Variants in ZNRF3 observed in about 807,000 individuals in gnomAD.
ZNRF3 encodes zinc and ring finger 3, also known as E3 ubiquitin-protein ligase ZNRF3.
In ZNRF3, 23 loss-of-function variants were observed where a neutral mutation model predicts 72.5. The ratio of observed to expected loss-of-function variants is 0.32; its 90% CI spans 0.23 to 0.45. The LOEUF (loss-of-function observed/expected upper bound fraction) is 0.45, where lower values mean the gene tolerates loss of function less well. Among genes scored for constraint, ZNRF3 ranks in the 20% least tolerant of loss-of-function variants. The pLI is 1.00. For synonymous variants in ZNRF3, 610 were observed against 545.3 expected (o/e 1.12, Z -1.65); for missense variants, 1,169 against 1,272.1 (o/e 0.92, Z 1.23).
chr22:29,006,853 T>C (rs901513928), intron 2 of ZNRF3, among the ~76,000 whole-genome samples: 1 of 152,222 alleles, frequency 6.6e-6, no homozygotes, highest in Non-Finnish European at 1.5e-5. Flanking sequence ...GGGTAGGTTT[T>C]GATAAAGTCT....
At chr22:28,900,580 T>A (rs1211971034) in intron 1 of ZNRF3, among the ~76,000 whole-genome samples, 1 of 152,136 alleles carries the variant, frequency 6.6e-6, no homozygotes, top group African/African-American at 2.4e-5. Flanking sequence ...ATGATCCAAG[T>A]CTCTGGAAGC....
At chr22:28,898,271 A>G (rs533015199) in intron 1 of ZNRF3, among the ~76,000 whole-genome samples, 1 of 152,214 alleles carries the variant, frequency 6.6e-6, no homozygotes, top group South Asian at 2.1e-4. Flanking sequence ...TTGAGGGAGA[A>G]TTTTCTGTGA....
Position 28,905,211 on chromosome 22 carries a change from A to T in ZNRF3, c.300+21145A>T, listed in dbSNP as rs545863775. Among the ~76,000 whole-genome samples the T allele has an allele frequency of 4.6e-5, 7 of 152,248 alleles. No individual in the cohort carries two copies. The South Asian group carries it at 8.3e-4, about 18-fold the overall frequency. On this transcript the variant is annotated intron_variant, in intron 1 of 8. Coordinates refer to ENST00000544604, the MANE Select transcript of ZNRF3 (RefSeq NM_001206998.2). Reference sequence around the variant, plus strand: ...CTCGGCCTCCCAAAGTGCTGAGATTATAGGTATGAGCCACCTCACCTGGCC... The same window carrying T: ...CTCGGCCTCCCAAAGTGCTGAGATTTTAGGTATGAGCCACCTCACCTGGCC...
At chr22:28,996,886 G>A (rs73882422) in intron 2 of ZNRF3, among the ~76,000 whole-genome samples, 2,856 of 152,272 alleles carry the variant, frequency 0.019, 100 homozygotes, top group African/African-American at 0.066. Flanking sequence ...AAGCTACAGA[G>A]TTTTTTATAA....
At position 29,050,528 on chromosome 22, in the gene ZNRF3, G is replaced by C. The variant is rs2037181768; in HGVS notation, c.2347G>C (p.Glu783Gln). The change falls in exon 8 of 9, where the codon GAA becomes CAA. Residue 783 changes from glutamate (E) to glutamine (Q), a missense_variant. Transcript: ENST00000544604. ...CGAGGGTCTGCCCTGCTGCTTCTATGAAGAGAAGCAGGTGGCCCGCGGGGG... is the reference window on the plus strand; with the variant it reads ...CGAGGGTCTGCCCTGCTGCTTCTATCAAGAGAAGCAGGTGGCCCGCGGGGG... ...KYEGLPCCFY[E>Q]EKQVARGGGG... 3 of 1,612,046 alleles carry C rather than the reference G, an allele frequency of 1.9e-6. No homozygotes were observed. Among genetic ancestry groups the C allele is most frequent in the Non-Finnish European group, 1.7e-6 (2 of 1,179,520 alleles).
chr22:29,035,700 T>A (rs2036854086), intron 2 of ZNRF3, among the ~76,000 whole-genome samples: 3 of 152,148 alleles, frequency 2.0e-5, no homozygotes, highest in African/African-American at 7.2e-5. Context: ...CTCAGCCTCC[T>A]GAGTAGCTGG....
chr22:28,900,088 C>G (rs925619271), intron 1 of ZNRF3, among the ~76,000 whole-genome samples: 2 of 152,136 alleles, frequency 1.3e-5, no homozygotes, highest in South Asian at 4.2e-4. Flanking sequence ...TCTCTCAACT[C>G]CTGCCAACCT....
intron 1 of ZNRF3, among the ~76,000 whole-genome samples, chr22:28,885,590 T>TAAAA (rs34201242): frequency 1.9e-5 from 2 of 102,742 alleles, no homozygotes; most frequent in East Asian, 2.8e-4. Context: ...TACAGCCTTC[T>TAAAA]AAAAAAAAAA....
intron 2 of ZNRF3, among the ~76,000 whole-genome samples, chr22:28,995,334 T>TGA (rs1208450317): frequency 6.6e-6 from 1 of 152,064 alleles, no homozygotes; most frequent in Non-Finnish European, 1.5e-5. Context: ...CTCAGGAGGC[T>TGA]GAGGCAGGAG....
intron 1 of ZNRF3, among the ~76,000 whole-genome samples, chr22:28,957,989 C>T (rs1353945024): frequency 4.0e-5 from 6 of 151,798 alleles, no homozygotes; most frequent in Admixed American, 3.3e-4. Flanking sequence ...AGATCGAGAC[C>T]ATCCTGGCTA....
chr22:28,930,988 C>T (rs765473072), intron 1 of ZNRF3, among the ~76,000 whole-genome samples: 15 of 152,048 alleles, frequency 9.9e-5, no homozygotes, highest in Non-Finnish European at 1.5e-4. Context: ...GGTGAGAATA[C>T]CAAGGGTTTG....
intron 1 of ZNRF3, among the ~76,000 whole-genome samples, chr22:28,890,369 G>A (rs531231886): frequency 2.6e-5 from 4 of 152,212 alleles, no homozygotes; most frequent in South Asian, 4.1e-4. Flanking sequence ...GCGTGGTGGC[G>A]GGGGCCTGTA....
intron 6 of ZNRF3, among the ~76,000 whole-genome samples, chr22:29,047,196 G>A (rs1335030687): frequency 6.6e-6 from 1 of 152,218 alleles, no homozygotes; most frequent in Non-Finnish European, 1.5e-5. Flanking sequence ...ACTTGAGGCT[G>A]CAGTGAGCTA....
chr22:28,952,593 G>C (rs2035185384), intron 1 of ZNRF3, among the ~76,000 whole-genome samples: 1 of 151,660 alleles, frequency 6.6e-6, no homozygotes, highest in Admixed American at 6.6e-5. Context: ...AGTATAAAAG[G>C]TATTGCATCG....
chr22:29,039,031 A>G (rs2036912405), intron 2 of ZNRF3, among the ~76,000 whole-genome samples: 1 of 152,054 alleles, frequency 6.6e-6, no homozygotes, highest in Non-Finnish European at 1.5e-5. Context: ...CAGCCTCCCA[A>G]GTAGCTGGGA....
chr22:29,049,027 A>G lies in ZNRF3; in HGVS notation c.1016-170A>G, dbSNP rs1230485724. Among the ~76,000 whole-genome samples the G allele has an allele frequency of 1.3e-5, 2 of 152,204 alleles. No individual in the cohort carries two copies. The highest frequency in any genetic ancestry group is 4.8e-5 in the African/African-American group (2 of 41,446). ...GATGGGCCATTTCACACAGACAGGCAGGTCAGCCTCTGCCGCTGCAGCTCA... is the reference window on the plus strand; with the variant it reads ...GATGGGCCATTTCACACAGACAGGCGGGTCAGCCTCTGCCGCTGCAGCTCA... On this transcript the variant is annotated intron_variant, in intron 7 of 8. Transcript: ENST00000544604. The surrounding 1 kb of genome is among the most constrained non-coding windows in gnomAD (Gnocchi z 5.2).
chr22:28,994,172 C>CTTCCTTTTTTTTTTTTTT, intron 2 of ZNRF3, among the ~76,000 whole-genome samples: 1 of 78,766 alleles, frequency 1.3e-5, no homozygotes, highest in South Asian at 4.6e-4. Context: ...CCTTCAGTTC[C>CTTCCTTTTTTTTTTTTTT]TTTCTTTTTT....
In ZNRF3 at chr22:29,049,353, G is replaced by T. The variant is rs1209097921; in HGVS notation, c.1172G>T (p.Gly391Val). The T allele has an allele frequency of 1.2e-6, 2 of 1,613,554 alleles. No homozygotes were observed. Among genetic ancestry groups the T allele is most frequent in the Non-Finnish European group, 1.7e-6 (2 of 1,180,024 alleles). The stretch of plus-strand genomic sequence containing the variant: ...ACGAGGACAAGCATGGACTCCCACG[G>T]CAACCCCGTCACCTTGCTGACCATG... Reference protein sequence around the residue: ...YPTRTSMDSHGNPVTLLTMDR... With the variant: ...YPTRTSMDSHVNPVTLLTMDR... The change falls in exon 8 of 9, where the codon GGC becomes GTC. Residue 391 changes from glycine to valine, a missense_variant. Gly to Val is a moderately radical substitution (Grantham distance 109). Around this residue, in one of 2 missense-constraint regions of ZNRF3, gnomAD observed 386 missense variants for 540.7 expected, o/e 0.71. Coordinates refer to ENST00000544604, the MANE Select transcript of ZNRF3 (RefSeq NM_001206998.2). The surrounding 1 kb of genome is among the most constrained non-coding windows in gnomAD (Gnocchi z 5.2).
chr22:29,032,020 C>T (rs1365380722), intron 2 of ZNRF3, among the ~76,000 whole-genome samples: 1 of 152,162 alleles, frequency 6.6e-6, no homozygotes, highest in Non-Finnish European at 1.5e-5. Context: ...ACCAGTTCAC[C>T]CAGAGAGCCA....
Sources: gnomAD v4.1 joint callset for allele counts (sites outside exome capture counted in the v4.1 genomes callset) on GRCh38, gnomAD v4.1.1 for gene constraint, gnomAD v4.1.1 regional missense constraint, Gnocchi (gnomAD v3.1) non-coding constraint, MANE v1.5 for transcripts, NCBI Gene and HGNC (gene_info 2026-07-23, HGNC 2026-07-21) for gene names.